DENND1A: variants seen among roughly 807,000 people sequenced by gnomAD.
DENND1A encodes the protein DENN domain containing 1A.
In DENND1A, 51 loss-of-function variants were observed where a neutral mutation model predicts 113.7. That is an observed-to-expected ratio of 0.45 (90% CI 0.36 to 0.57). The LOEUF is 0.57. DENND1A is among the 20% of genes least tolerant of loss of function. The probability of loss-of-function intolerance (pLI) is 0.00; values close to 1 mark genes in which losing one functional copy is unlikely to be tolerated. For synonymous variants in DENND1A, 565 were observed against 570.8 expected, an observed-to-expected ratio of 0.99 and a Z score of 0.14; for missense variants, 1,258 against 1,395.9, an observed-to-expected ratio of 0.90 and a Z score of 1.57.
At chr9:123,466,903 C>T (rs555186669) in intron 13 of DENND1A, among the ~76,000 whole-genome samples, 91 of 149,072 alleles carry the variant, frequency 6.1e-4, no homozygotes, top group African/African-American at 1.9e-3. Context: ...AAAAACTAGC[C>T]GGGCTTGGCT....
At chr9:123,744,152 G>A (rs1412879167) in intron 5 of DENND1A, among the ~76,000 whole-genome samples, 4 of 152,172 alleles carry the variant, frequency 2.6e-5, no homozygotes, top group African/African-American at 4.8e-5. Context: ...TCATTAAAGA[G>A]AATTAAAAAC....
At chr9:123,476,239 A>T (rs1463868805) in intron 13 of DENND1A, among the ~76,000 whole-genome samples, 1 of 152,066 alleles carries the variant, frequency 6.6e-6, no homozygotes, top group African/African-American at 2.4e-5. Context: ...TAAGTGTCTT[A>T]ATATTGAGAT....
intron 1 of DENND1A, among the ~76,000 whole-genome samples, chr9:123,902,965 A>G (rs1851952922): frequency 6.6e-6 from 1 of 152,208 alleles, no homozygotes; most frequent in African/African-American, 2.4e-5. Context: ...GAATAGTATA[A>G]CATGACCAAG....
intron 2 of DENND1A, among the ~76,000 whole-genome samples, chr9:123,876,132 C>A (rs781750688): frequency 2.6e-5 from 4 of 152,182 alleles, no homozygotes; most frequent in African/African-American, 9.7e-5. Flanking sequence ...CAATAACCTG[C>A]ATCTAATCAT....
intron 9 of DENND1A, among the ~76,000 whole-genome samples, chr9:123,643,030 C>T (rs1405334533): frequency 2.6e-5 from 4 of 152,104 alleles, no homozygotes; most frequent in African/African-American, 9.7e-5. Context: ...TGGATGCTGT[C>T]GGTGGGAGTG....
chr9:123,385,901 T>C (rs1349297271), intron 22 of DENND1A, among the ~76,000 whole-genome samples: 1 of 152,218 alleles, frequency 6.6e-6, no homozygotes, highest in Non-Finnish European at 1.5e-5. Flanking sequence ...GTCAGTGTGC[T>C]TCTGGAACTT....
At chr9:123,894,957 C>A (rs529513148) in intron 1 of DENND1A, among the ~76,000 whole-genome samples, 12 of 152,072 alleles carry the variant, frequency 7.9e-5, no homozygotes, top group Non-Finnish European at 1.6e-4. Context: ...ACAAGAGACA[C>A]ATGCTGAGCA....
chr9:123,885,926 C>A (rs903333153), intron 1 of DENND1A, among the ~76,000 whole-genome samples: 2 of 152,220 alleles, frequency 1.3e-5, no homozygotes, highest in Admixed American at 6.5e-5. Context: ...ATTACAGGCA[C>A]CTGCCACCAT....
At chr9:123,709,507 T>C (rs954909777) in intron 5 of DENND1A, among the ~76,000 whole-genome samples, 13 of 152,178 alleles carry the variant, frequency 8.5e-5, no homozygotes, top group Non-Finnish European at 1.6e-4. Flanking sequence ...CAGAGAACAA[T>C]GTCAGAGGCC....
intron 5 of DENND1A, among the ~76,000 whole-genome samples, chr9:123,700,395 C>CGTGT (rs1050243870): frequency 6.6e-6 from 1 of 151,860 alleles, no homozygotes; most frequent in Non-Finnish European, 1.5e-5. Context: ...TGTATGCATG[C>CGTGT]GTGTGTGTGT....
chr9:123,531,325 T>C (rs142234356), intron 13 of DENND1A, among the ~76,000 whole-genome samples: 24 of 152,306 alleles, frequency 1.6e-4, no homozygotes, highest in African/African-American at 4.8e-4. Flanking sequence ...TCATTTTCCC[T>C]TTCCTTTTGC....
chr9:123,530,152 C>T (rs2055179980), intron 13 of DENND1A, among the ~76,000 whole-genome samples: 1 of 151,880 alleles, frequency 6.6e-6, no homozygotes, highest in Non-Finnish European at 1.5e-5. Context: ...CTAGCCTTGG[C>T]AGAGAAGTAG....
chr9:123,786,779 A>T (rs1470720582), intron 3 of DENND1A, among the ~76,000 whole-genome samples: 1 of 152,236 alleles, frequency 6.6e-6, no homozygotes, highest in Non-Finnish European at 1.5e-5. Flanking sequence ...GATGAGAGTC[A>T]AATGAATTTA....
chr9:123,529,403 T>C (rs2055115187), intron 13 of DENND1A, among the ~76,000 whole-genome samples: 1 of 152,230 alleles, frequency 6.6e-6, no homozygotes, highest in African/African-American at 2.4e-5. Flanking sequence ...ATAGACTTTT[T>C]TTATATTTAT....
chr9:123,551,933 C>G (rs2057073244), intron 13 of DENND1A, among the ~76,000 whole-genome samples: 1 of 151,946 alleles, frequency 6.6e-6, no homozygotes, highest in Non-Finnish European at 1.5e-5. Flanking sequence ...GAAAACAAAG[C>G]TCAGGAGTCC....
chr9:123,475,834 A>T (rs1399269722), intron 13 of DENND1A, among the ~76,000 whole-genome samples: 2 of 152,250 alleles, frequency 1.3e-5, no homozygotes, highest in Non-Finnish European at 2.9e-5. Flanking sequence ...ATACGTATGT[A>T]GGTGAGGTGA....
At position 123,522,166 on chromosome 9, in the gene DENND1A, AGG is replaced by A. The variant is rs2054450766; in HGVS notation, c.993+35402_993+35403del. ...CCCACAAATGTTTTATTTGGTTTCA[AGG>A]CCCTGCTGAGCCTGCATCCTGCTAC... On this transcript the variant is annotated intron_variant, in intron 13 of 23. Coordinates refer to ENST00000394215, the MANE Select transcript of DENND1A (RefSeq NM_001352964.2). Among the ~76,000 whole-genome samples the A allele has an allele frequency of 2.0e-5, 3 of 152,328 alleles. No individual in the cohort carries two copies. The South Asian group carries it at 6.2e-4, about 32-fold the overall frequency.
At chr9:123,801,746 C>G (rs1407392057) in intron 2 of DENND1A, among the ~76,000 whole-genome samples, 1 of 152,150 alleles carries the variant, frequency 6.6e-6, no homozygotes, top group Non-Finnish European at 1.5e-5. Flanking sequence ...TCCTAACAGC[C>G]TACAATCCTT....
chr9:123,790,991 G>A (rs1470178119), intron 3 of DENND1A, among the ~76,000 whole-genome samples: 1 of 151,760 alleles, frequency 6.6e-6, no homozygotes, highest in East Asian at 1.9e-4. Context: ...TACATGTTTT[G>A]TCATGAACAT....
Sources: allele counts gnomAD v4.1 joint callset (sites outside exome capture counted in the v4.1 genomes callset), GRCh38; gene constraint gnomAD v4.1.1; transcripts MANE v1.5; gene names NCBI Gene and HGNC (gene_info 2026-07-23, HGNC 2026-07-21).